RFC3: variants seen among roughly 807,000 people sequenced by gnomAD.
RFC3 encodes the protein A1 38 kDa subunit.
A neutral mutation model predicts 45.1 loss-of-function variants in RFC3; 41 were observed. The ratio of observed to expected loss-of-function variants is 0.91; its 90% CI spans 0.71 to 1.18. The LOEUF (loss-of-function observed/expected upper bound fraction) is 1.18. Ranked by LOEUF, RFC3 falls within the 50% of genes most tolerant of loss-of-function variation. The pLI is 0.00. For synonymous variants in RFC3, 149 were observed against 144.0 expected (o/e 1.03, Z -0.25); for missense variants, 423 against 428.1 (o/e 0.99, Z 0.10).
intron 8 of RFC3, among the ~76,000 whole-genome samples, chr13:33,959,877 T>C (rs982782651): frequency 2.2e-4 from 34 of 152,268 alleles, no homozygotes; most frequent in African/African-American, 7.9e-4. Context: ...CTGCAGGCTG[T>C]ACAGGAAGCA....
chr13:33,857,729 T>G (rs2082316809), intron 8 of RFC3, among the ~76,000 whole-genome samples: 1 of 152,244 alleles, frequency 6.6e-6, no homozygotes, highest in South Asian at 2.1e-4. Flanking sequence ...TGTGATTCAA[T>G]TCAACAAACA....
intron 3 of RFC3, among the ~76,000 whole-genome samples, chr13:33,825,264 T>C (rs2082038816): frequency 6.6e-6 from 1 of 152,166 alleles, no homozygotes; most frequent in Admixed American, 6.5e-5. Flanking sequence ...CTTTGTGTCT[T>C]AAACTCAATT....
At chr13:33,842,889 A>C (rs1036788192) in intron 8 of RFC3, among the ~76,000 whole-genome samples, 3 of 152,162 alleles carry the variant, frequency 2.0e-5, no homozygotes, top group Non-Finnish European at 4.4e-5. Context: ...TTAAAAATCT[A>C]TGATTTTATG....
At chr13:33,848,265 C>T (rs2082252558) in intron 8 of RFC3, 1 of 152,214 alleles carries the variant, frequency 6.6e-6, no homozygotes, top group Non-Finnish European at 1.5e-5. Flanking sequence ...CCATGTTCTA[C>T]AGCAGTGGGG....
At chr13:33,872,464 TG>T (rs2082416276) in intron 8 of RFC3, among the ~76,000 whole-genome samples, 1 of 152,248 alleles carries the variant, frequency 6.6e-6, no homozygotes, top group African/African-American at 2.4e-5. Flanking sequence ...CCAGGTGCGG[TG>T]GCTCACGCCT....
chr13:33,840,640 A>G (rs1460362921), downstream of RFC3, among the ~76,000 whole-genome samples: 1 of 151,138 alleles, frequency 6.6e-6, no homozygotes, highest in Non-Finnish European at 1.5e-5. Flanking sequence ...AGACAATTAC[A>G]GTTGATCCTT....
At chr13:33,894,233 C>T (rs1476096156) in intron 8 of RFC3, among the ~76,000 whole-genome samples, 4 of 152,134 alleles carry the variant, frequency 2.6e-5, no homozygotes, top group African/African-American at 9.7e-5. Flanking sequence ...CACTGGGTAG[C>T]CTGGCAATCC....
chr13:33,873,399 C>A (rs895894923), intron 8 of RFC3, among the ~76,000 whole-genome samples: 1 of 152,168 alleles, frequency 6.6e-6, no homozygotes, highest in Non-Finnish European at 1.5e-5. Flanking sequence ...TATTTCAAAG[C>A]GCCTGTTTTT....
intron 8 of RFC3, among the ~76,000 whole-genome samples, chr13:33,904,092 C>T (rs1310269906): frequency 6.6e-6 from 1 of 151,658 alleles, no homozygotes; most frequent in Non-Finnish European, 1.5e-5. Flanking sequence ...TTTGAACATA[C>T]TAAAATTGTT....
rs1440656145 is a variant in RFC3, at chr13:33,818,956, T to A, written c.87+691T>A. Among the ~76,000 whole-genome samples, 5 of 140,816 alleles carry A rather than the reference T, an allele frequency of 3.6e-5. No individual in the cohort carries two copies. In the South Asian group the frequency reaches 1.2e-3, roughly 33 times the overall value. 92.4% of individuals were successfully genotyped at this position (140,816 alleles called of 152,430 possible). A position where few individuals can be genotyped will look rare whatever the true frequency, so the allele number is the denominator to read the frequency against. On this transcript the variant is annotated intron_variant, in intron 1 of 8. Coordinates refer to ENST00000380071, the MANE Select transcript of RFC3 (RefSeq NM_002915.4). ...CCCAGGCTGGAATGCAATGGCGCGG[T>A]CTCGGCTCACTGCAACCTCCGCCTC...
At chr13:33,896,810 A>G (rs763966148) in intron 8 of RFC3, among the ~76,000 whole-genome samples, 1 of 151,302 alleles carries the variant, frequency 6.6e-6, no homozygotes, top group Non-Finnish European at 1.5e-5. Flanking sequence ...TGGAAACTAT[A>G]TAGGCCAACA....
At chr13:33,841,263 C>T (rs1253307383), downstream of RFC3, among the ~76,000 whole-genome samples, 2 of 152,130 alleles carry the variant, frequency 1.3e-5, no homozygotes, top group Admixed American at 6.5e-5. Flanking sequence ...AAAACTGGTC[C>T]CTGGTGCTAA....
chr13:33,902,097 T>TA (rs1593679327), intron 8 of RFC3, among the ~76,000 whole-genome samples: 1 of 151,928 alleles, frequency 6.6e-6, no homozygotes, highest in Non-Finnish European at 1.5e-5. Context: ...CAGTTCAGGT[T>TA]AAAAAAATGG....
At chr13:33,941,015 G>A (rs1284035825) in intron 8 of RFC3, among the ~76,000 whole-genome samples, 1 of 152,232 alleles carries the variant, frequency 6.6e-6, no homozygotes, top group Non-Finnish European at 1.5e-5. Context: ...TACATCAGAT[G>A]CTTTTGTGCA....
the RFC3 span, among the ~76,000 whole-genome samples, chr13:33,973,169 CATAAGTAA>C: frequency 1.3e-5 from 2 of 151,276 alleles, no homozygotes; most frequent in Non-Finnish European, 3.0e-5. Context: ...TATATATATA[CATAAGTAA>C]TAGACTGTAG....
At chr13:33,889,990 T>G (rs2137630551) in intron 8 of RFC3, among the ~76,000 whole-genome samples, 1 of 152,312 alleles carries the variant, frequency 6.6e-6, no homozygotes, top group African/African-American at 2.4e-5. Flanking sequence ...AGGGATATAC[T>G]GGTGGTCAAT....
intron 8 of RFC3, among the ~76,000 whole-genome samples, chr13:33,875,725 C>T (rs1365553451): frequency 6.6e-6 from 1 of 152,124 alleles, no homozygotes; most frequent in African/African-American, 2.4e-5. Context: ...CACTGATCCA[C>T]CAAGCCTGGG....
At chr13:33,950,835 A>G (rs986676634) in intron 8 of RFC3, among the ~76,000 whole-genome samples, 3 of 152,020 alleles carry the variant, frequency 2.0e-5, no homozygotes, top group African/African-American at 4.8e-5. Context: ...AAATGTTTCT[A>G]TAAGATGGTC....
chr13:33,826,551 A>G (rs3135578), intron 4 of RFC3, among the ~76,000 whole-genome samples: 3 of 152,150 alleles, frequency 2.0e-5, no homozygotes, highest in Admixed American at 2.0e-4. Flanking sequence ...CGCTGTACAT[A>G]TTCTCAGCTG....
Sources: gnomAD v4.1 joint callset for allele counts (sites outside exome capture counted in the v4.1 genomes callset) on GRCh38, gnomAD v4.1.1 for gene constraint, MANE v1.5 for transcripts, NCBI Gene and HGNC (gene_info 2026-07-23, HGNC 2026-07-21) for gene names.